NLGN1: variants seen among roughly 807,000 people sequenced by gnomAD.
The protein encoded by NLGN1 is neuroligin-1.
In NLGN1, 12 loss-of-function variants were observed where a neutral mutation model predicts 65.5. The ratio of observed to expected loss-of-function variants is 0.18; its 90% CI spans 0.12 to 0.30. NLGN1 has a LOEUF of 0.30. Ranked by LOEUF, NLGN1 falls within the 10% of genes least tolerant of loss-of-function variation. NLGN1 has a pLI of 1.00. For missense variants in NLGN1, 750 were observed against 1,007.1 expected, an observed-to-expected ratio of 0.74 and a Z score of 3.46; for synonymous variants, 350 against 359.5, an observed-to-expected ratio of 0.97 and a Z score of 0.30.
At position 173,415,919 on chromosome 3, in the gene NLGN1, G is replaced by GGAGAGA. The variant is rs1167795390; in HGVS notation, c.-390+17452_-390+17457dup. On this transcript the variant is annotated intron_variant, in intron 1 of 6. Transcript: ENST00000457714. Reference sequence around the variant, plus strand: ...TATATATATATAGAGAGAGAGAGAGGGAGAGAGAGAGAGAGAGAGAGAGAG... The same window carrying GGAGAGA: ...TATATATATATAGAGAGAGAGAGAGGGAGAGAGAGAGAGAGAGAGAGAGAGAGAGAG... Among the ~76,000 whole-genome samples, 49 of 125,238 alleles carry GGAGAGA rather than the reference G, an allele frequency of 3.9e-4. 1 individual carries two copies. The highest frequency in any genetic ancestry group is 1.3e-3 in the African/African-American group (40 of 30,346). The allele number at this position is 125,238 out of a possible 152,430, so 82.2% of individuals were successfully genotyped here. A position where few individuals can be genotyped will look rare whatever the true frequency, so the allele number is the denominator to read the frequency against.
At chr3:173,938,536 A>G (rs1018864914) in intron 4 of NLGN1, among the ~76,000 whole-genome samples, 1 of 152,216 alleles carries the variant, frequency 6.6e-6, no homozygotes, top group African/African-American at 2.4e-5. Context: ...TTGCTACTGC[A>G]GTGTGACTTA....
At chr3:173,861,518 G>A (rs1358949722) in intron 4 of NLGN1, among the ~76,000 whole-genome samples, 2 of 2,448 alleles carry the variant, frequency 8.2e-4, no homozygotes, top group Non-Finnish European at 3.7e-3. Context: ...GCTGGCACGT[G>A]TGTGTGTGTG....
At chr3:173,621,582 GAATT>G (rs1753996121) in intron 3 of NLGN1, among the ~76,000 whole-genome samples, 3 of 151,970 alleles carry the variant, frequency 2.0e-5, no homozygotes, top group Admixed American at 1.3e-4. Context: ...GAAGAGTAGA[GAATT>G]AATTACAGGA....
chr3:173,427,499 G>T (rs1362645388), intron 1 of NLGN1, among the ~76,000 whole-genome samples: 1 of 151,702 alleles, frequency 6.6e-6, no homozygotes, highest in Non-Finnish European at 1.5e-5. Flanking sequence ...ATAGGTTTTG[G>T]TATGTAGTGT....
At chr3:173,438,485 A>G (rs1718559048) in intron 2 of NLGN1, among the ~76,000 whole-genome samples, 1 of 152,182 alleles carries the variant, frequency 6.6e-6, no homozygotes, top group African/African-American at 2.4e-5. Flanking sequence ...CTGGGCTCAC[A>G]GATCCAATAT....
chr3:173,682,149 A>G (rs1325899338), intron 3 of NLGN1, among the ~76,000 whole-genome samples: 1 of 152,148 alleles, frequency 6.6e-6, no homozygotes, highest in Non-Finnish European at 1.5e-5. Flanking sequence ...TAGTGCCCAC[A>G]TCATTGAGTT....
intron 2 of NLGN1, among the ~76,000 whole-genome samples, chr3:173,456,099 C>A (rs565914683): frequency 3.3e-5 from 5 of 152,226 alleles, no homozygotes; most frequent in African/African-American, 1.2e-4. Flanking sequence ...ATGCTAATCT[C>A]TCCTGGAAAC....
intron 4 of NLGN1, among the ~76,000 whole-genome samples, chr3:173,829,904 CT>C (rs1316392534): frequency 6.6e-6 from 1 of 151,672 alleles, no homozygotes; most frequent in Non-Finnish European, 1.5e-5. Flanking sequence ...ATGTTTCCTT[CT>C]TACCTACAGT....
chr3:174,258,041 G>C (rs1746138162), intron 4 of NLGN1, among the ~76,000 whole-genome samples: 1 of 151,504 alleles, frequency 6.6e-6, no homozygotes, highest in Non-Finnish European at 1.5e-5. Context: ...TATATGAGAA[G>C]ACCATTCAAA....
chr3:173,907,676 C>A (rs1405108772), intron 4 of NLGN1, among the ~76,000 whole-genome samples: 1 of 151,484 alleles, frequency 6.6e-6, no homozygotes. Flanking sequence ...CCTCTGCCTC[C>A]CAGGTTCAAG....
intron 4 of NLGN1, among the ~76,000 whole-genome samples, chr3:174,233,463 G>A (rs10936779): frequency 0.31 from 46,369 of 150,714 alleles, 7,722 homozygotes; most frequent in East Asian, 0.49. Flanking sequence ...TCCAGCTTGG[G>A]CAACAAGAGC....
chr3:174,052,609 A>G lies in NLGN1; in HGVS notation c.647-222706A>G, dbSNP rs150555510. ...TGGCAATAAAAATCAGCTGGAACCA[A>G]TCAGATTTATGTGATAGGACCCTTG... On this transcript the variant is annotated intron_variant, in intron 4 of 6. Transcript: ENST00000457714. Among the ~76,000 whole-genome samples, 374 of 152,146 alleles carry G rather than the reference A, an allele frequency of 2.5e-3. 2 individuals are homozygous for G. Among genetic ancestry groups the G allele is most frequent in the Non-Finnish European group, 4.1e-3 (281 of 67,976 alleles).
intron 2 of NLGN1, among the ~76,000 whole-genome samples, chr3:173,494,928 T>C (rs887996193): frequency 2.0e-5 from 3 of 151,892 alleles, no homozygotes; most frequent in Non-Finnish European, 4.4e-5. Context: ...GTACTAACTC[T>C]TGAAGGCAAG....
At chr3:173,518,809 AG>A (rs1362635113) in intron 2 of NLGN1, among the ~76,000 whole-genome samples, 2 of 152,172 alleles carry the variant, frequency 1.3e-5, no homozygotes, top group Non-Finnish European at 2.9e-5. Context: ...ATCCATTTTC[AG>A]GGGAGAAATT....
chr3:173,735,671 CT>C (rs1324481950), intron 3 of NLGN1, among the ~76,000 whole-genome samples: 1 of 151,958 alleles, frequency 6.6e-6, no homozygotes, highest in Non-Finnish European at 1.5e-5. Context: ...ATGAAATTTG[CT>C]TTTGCTATTT....
intron 2 of NLGN1, among the ~76,000 whole-genome samples, chr3:173,499,464 A>G (rs576986161): frequency 6.6e-6 from 1 of 151,876 alleles, no homozygotes; most frequent in East Asian, 1.9e-4. Context: ...GTAGCCTTGT[A>G]GTATAGTTTG....
chr3:173,768,181 C>T (rs2150246460), intron 3 of NLGN1, among the ~76,000 whole-genome samples: 1 of 152,074 alleles, frequency 6.6e-6, no homozygotes, highest in Non-Finnish European at 1.5e-5. Flanking sequence ...TTTCCGAATA[C>T]CTGAGTTTGG....
downstream of NLGN1, among the ~76,000 whole-genome samples, chr3:174,289,136 T>C (rs1421525573): frequency 6.6e-6 from 1 of 151,212 alleles, no homozygotes; most frequent in African/African-American, 2.4e-5. Flanking sequence ...TCCAGAATAA[T>C]AGTAATAGAG....
chr3:173,809,828 A>G (rs1717500369), intron 4 of NLGN1, among the ~76,000 whole-genome samples: 1 of 152,238 alleles, frequency 6.6e-6, no homozygotes, highest in Admixed American at 6.5e-5. Flanking sequence ...TCGCTAAAAT[A>G]TAAAGCACTC....
Sources: gnomAD v4.1 joint callset for allele counts (sites outside exome capture counted in the v4.1 genomes callset) on GRCh38, gnomAD v4.1.1 for gene constraint, MANE v1.5 for transcripts, NCBI Gene and HGNC (gene_info 2026-07-23, HGNC 2026-07-21) for gene names.